Variants in EHMT1 observed in about 807,000 individuals in gnomAD.
EHMT1 encodes histone-lysine N-methyltransferase EHMT1.
Under a neutral mutation model 147.2 loss-of-function variants are expected in EHMT1, and 15 were observed. The observed-to-expected ratio is 0.10, with a 90% CI of 0.07 to 0.16. EHMT1 has a LOEUF of 0.16. Among genes scored for constraint, EHMT1 ranks in the 10% least tolerant of loss-of-function variants. EHMT1 has a pLI of 1.00. For synonymous variants in EHMT1, 795 were observed against 709.6 expected, an observed-to-expected ratio of 1.12 and a Z score of -1.91; for missense variants, 1,587 against 1,772.4, an observed-to-expected ratio of 0.90 and a Z score of 1.88.
intron 25 of EHMT1, among the ~76,000 whole-genome samples, chr9:137,823,330 C>T (rs140627744): frequency 0.023 from 3,443 of 150,874 alleles, 132 homozygotes; most frequent in African/African-American, 0.079. Context: ...GATCTCCTGA[C>T]CTTGTGATCT....
At chr9:137,634,193 T>C (rs1243186778) in intron 1 of EHMT1, among the ~76,000 whole-genome samples, 1 of 152,198 alleles carries the variant, frequency 6.6e-6, no homozygotes, top group African/African-American at 2.4e-5. Flanking sequence ...TGTTTTCCAG[T>C]TGGTTTCTTT....
intron 1 of EHMT1, among the ~76,000 whole-genome samples, chr9:137,691,906 C>T (rs1455369941): frequency 1.3e-5 from 2 of 152,196 alleles, no homozygotes; most frequent in East Asian, 3.9e-4. Context: ...CCTGTGTTTC[C>T]TGGCCCTGGT....
intron 1 of EHMT1, among the ~76,000 whole-genome samples, chr9:137,695,426 C>T (rs999691842): frequency 6.6e-6 from 1 of 152,216 alleles, no homozygotes; most frequent in South Asian, 2.1e-4. Context: ...GGACAAAGAG[C>T]ATTGCTTTCC....
chr9:137,821,029 C>T (rs1334592946), intron 25 of EHMT1, among the ~76,000 whole-genome samples: 4 of 152,240 alleles, frequency 2.6e-5, no homozygotes. Flanking sequence ...AGGTGCCCAG[C>T]ACCACGCCCG....
At chr9:137,802,697 C>T in intron 18 of EHMT1, 1 of 680,542 alleles carries the variant, frequency 1.5e-6, no homozygotes, top group Non-Finnish European at 2.1e-6. Context: ...ACAGGGACCA[C>T]TGGCTGTGGG....
intron 1 of EHMT1, among the ~76,000 whole-genome samples, chr9:137,629,176 T>G (rs1331631804): frequency 1.3e-5 from 2 of 151,050 alleles, no homozygotes; most frequent in African/African-American, 4.9e-5. Context: ...CACTGGAACC[T>G]CCGCCTCCCA....
intron 1 of EHMT1, among the ~76,000 whole-genome samples, chr9:137,675,649 T>G (rs75170888): frequency 9.4e-6 from 1 of 106,534 alleles, no homozygotes; most frequent in African/African-American, 4.3e-5. Context: ...TTTTTTTTTT[T>G]TTGAGACAGA....
chr9:137,724,395 C>T (rs1196909840), intron 3 of EHMT1, among the ~76,000 whole-genome samples: 5 of 152,168 alleles, frequency 3.3e-5, no homozygotes, highest in Admixed American at 1.3e-4. Context: ...TGGGATGGGC[C>T]GGCCGTGCTG....
rs779709777 is a variant in EHMT1, at chr9:137,762,820, A to C, written c.1647A>C (p.Glu549Asp). Residue 549 changes from glutamate to aspartate, a missense_variant and splice_region_variant, in exon 10 of 27, where the codon GAA (glutamate) becomes GAC (aspartate). Physicochemically the swap from Glu to Asp is conservative, Grantham distance 45. Coordinates refer to ENST00000460843, the MANE Select transcript of EHMT1 (RefSeq NM_024757.5). ...TGGCTACAGAGAGCGTGGACCATGAAGTAAGCACGTTTGTTTTCATTTAAA... is the reference window on the plus strand; with the variant it reads ...TGGCTACAGAGAGCGTGGACCATGACGTAAGCACGTTTGTTTTCATTTAAA... ...QCMATESVDH[E>D]LGRCTNSVVK... 9.3e-6 allele frequency: 15 copies of C among 1,614,080 alleles called. No homozygotes were observed. Among genetic ancestry groups the C allele is most frequent in the Non-Finnish European group, 1.2e-5 (14 of 1,180,052 alleles).
intron 25 of EHMT1, among the ~76,000 whole-genome samples, chr9:137,822,881 C>T (rs1220884171): frequency 7.4e-6 from 1 of 135,060 alleles, no homozygotes; most frequent in Non-Finnish European, 1.5e-5. Flanking sequence ...GCAACAAGAG[C>T]AAAACTTCAT....
In EHMT1 at chr9:137,710,938, G is replaced by A. The variant is rs369464227; in HGVS notation, c.22-29G>A. The A allele has an allele frequency of 5.6e-5, 88 of 1,580,920 alleles. 1 individual carries two copies. The East Asian group carries it at 1.5e-3, about 26-fold the overall frequency. ...GGAAAAGCGGCCTCCCACTGAACCC[G>A]GCTGACGGCTGTTGTTTCTCTCTAA... On this transcript the variant is annotated intron_variant, in intron 1 of 26. Coordinates refer to ENST00000460843, the MANE Select transcript of EHMT1 (RefSeq NM_024757.5).
chr9:137,659,555 A>C (rs56004338), intron 1 of EHMT1, among the ~76,000 whole-genome samples: 1 of 151,268 alleles, frequency 6.6e-6, no homozygotes, highest in African/African-American at 2.4e-5. Flanking sequence ...CCCTTTAAAA[A>C]ATTTTTTTTT....
At position 137,635,261 on chromosome 9, in the gene EHMT1, C is replaced by T. The variant is rs1843921896; in HGVS notation, c.21+16212C>T. Reference sequence around the variant, plus strand: ...TTGCACTGTCACCTGGGCTGGAGTGCAGTGGCGTGATCTCGGGTCACTGCA... The same window carrying T: ...TTGCACTGTCACCTGGGCTGGAGTGTAGTGGCGTGATCTCGGGTCACTGCA... On this transcript the variant is annotated intron_variant, in intron 1 of 26. Coordinates refer to ENST00000460843, the MANE Select transcript of EHMT1 (RefSeq NM_024757.5). Among the ~76,000 whole-genome samples, 3 of 151,862 alleles carry T rather than the reference C, an allele frequency of 2.0e-5. No individual in the cohort carries two copies. The South Asian group carries it at 6.3e-4, about 32-fold the overall frequency.
At position 137,819,869 on chromosome 9, in the gene EHMT1, T is replaced by C. The variant is rs1056777187; in HGVS notation, c.3540+1731T>C. On this transcript the variant is annotated intron_variant, in intron 25 of 26. Coordinates refer to ENST00000460843, the MANE Select transcript of EHMT1 (RefSeq NM_024757.5). The stretch of plus-strand genomic sequence containing the variant: ...CTCCGGGAGCCTGGTTTTGGGAGCT[T>C]TCTGAGGCTAGGGCAGTGGTGATTG... Among the ~76,000 whole-genome samples the C allele has an allele frequency of 1.2e-3, 186 of 152,098 alleles. 1 individual carries two copies. The highest frequency in any genetic ancestry group is 4.1e-3 in the African/African-American group (171 of 41,494).
intron 1 of EHMT1, among the ~76,000 whole-genome samples, chr9:137,639,985 A>G (rs958799978): frequency 1.3e-5 from 2 of 152,136 alleles, no homozygotes; most frequent in Non-Finnish European, 2.9e-5. Flanking sequence ...CCCAGGCTGG[A>G]GTGCAATGGC....
At chr9:137,674,183 A>G (rs1235034543) in intron 1 of EHMT1, among the ~76,000 whole-genome samples, 1 of 152,162 alleles carries the variant, frequency 6.6e-6, no homozygotes, top group African/African-American at 2.4e-5. Context: ...ACCGTAACAC[A>G]TGCTGCCCTT....
chr9:137,723,121 G>A (rs1946240591), intron 3 of EHMT1, among the ~76,000 whole-genome samples: 2 of 140,770 alleles, frequency 1.4e-5, no homozygotes, highest in African/African-American at 2.6e-5. Context: ...GTCTGTGTCC[G>A]TGGTTCTGGG....
intron 25 of EHMT1, among the ~76,000 whole-genome samples, chr9:137,826,661 A>C (rs1955830759): frequency 6.6e-6 from 1 of 152,212 alleles, no homozygotes; most frequent in South Asian, 2.1e-4. Context: ...AACCAGTGAG[A>C]CCAAGACAGG....
intron 1 of EHMT1, among the ~76,000 whole-genome samples, chr9:137,662,357 C>T (rs574691131): frequency 6.6e-5 from 10 of 151,842 alleles, no homozygotes; most frequent in African/African-American, 2.4e-4. Flanking sequence ...GCCACAATCC[C>T]GAGCTAATTT....
Sources: allele counts gnomAD v4.1 joint callset (sites outside exome capture counted in the v4.1 genomes callset), GRCh38; gene constraint gnomAD v4.1.1; transcripts MANE v1.5; gene names NCBI Gene and HGNC (gene_info 2026-07-23, HGNC 2026-07-21).